Variants in SEMA3A observed in about 807,000 individuals in gnomAD.
SEMA3A encodes the protein semaphorin-3A.
Under a neutral mutation model 97.9 loss-of-function variants are expected in SEMA3A, and 29 were observed. The ratio of observed to expected loss-of-function variants is 0.30; its 90% CI spans 0.22 to 0.40. SEMA3A has a LOEUF of 0.40. Among genes scored for constraint, SEMA3A ranks in the 10% least tolerant of loss-of-function variants. The pLI, the probability that SEMA3A is intolerant of heterozygous loss-of-function variation, is 1.00. For missense variants in SEMA3A, 763 were observed against 951.3 expected, an observed-to-expected ratio of 0.80 and a Z score of 2.60; for synonymous variants, 321 against 323.7, an observed-to-expected ratio of 0.99 and a Z score of 0.09.
intron 2 of SEMA3A, among the ~76,000 whole-genome samples, chr7:84,340,341 T>C (rs1416321323): frequency 1.3e-5 from 2 of 152,252 alleles, no homozygotes; most frequent in South Asian, 4.1e-4. Context: ...CTCTAGTAAT[T>C]TTGAACTTAG....
intron 3 of SEMA3A, among the ~76,000 whole-genome samples, chr7:84,278,844 T>C (rs936371938): frequency 3.3e-5 from 5 of 152,050 alleles, no homozygotes; most frequent in South Asian, 2.1e-4. Flanking sequence ...ACCATCATCA[T>C]TGGGGATTAC....
intron 16 of SEMA3A, among the ~76,000 whole-genome samples, 186 bp downstream of exon 16, chr7:83,963,019 T>C (rs1788533576): frequency 6.6e-6 from 1 of 152,200 alleles, no homozygotes; most frequent in Non-Finnish European, 1.5e-5. Flanking sequence ...GTTTCTCTAA[T>C]TCATAGTACA....
chr7:84,478,012 G>T (rs1371753405), intron 1 of SEMA3A, among the ~76,000 whole-genome samples: 3 of 152,144 alleles, frequency 2.0e-5, no homozygotes, highest in Non-Finnish European at 4.4e-5. Flanking sequence ...GCCTGGTGTT[G>T]AGGTAACATC....
chr7:84,267,393 A>T (rs1800033929), intron 3 of SEMA3A, among the ~76,000 whole-genome samples: 1 of 152,166 alleles, frequency 6.6e-6, no homozygotes, highest in Non-Finnish European at 1.5e-5. Flanking sequence ...CTGTTAAAAC[A>T]TGTTAAAAAT....
chr7:84,014,772 T>C (rs916223687), intron 6 of SEMA3A, among the ~76,000 whole-genome samples: 5 of 152,112 alleles, frequency 3.3e-5, no homozygotes, highest in Non-Finnish European at 5.9e-5. Flanking sequence ...AAAGACTAGG[T>C]GGGCAGGGAA....
chr7:84,055,112 TCAGA>T (rs1792897005), intron 5 of SEMA3A, among the ~76,000 whole-genome samples: 1 of 152,018 alleles, frequency 6.6e-6, no homozygotes. Flanking sequence ...TTCAAAGCTG[TCAGA>T]CAGGGCCATT....
chr7:84,369,366 T>C (rs554701786), intron 2 of SEMA3A, among the ~76,000 whole-genome samples: 1 of 151,174 alleles, frequency 6.6e-6, no homozygotes, highest in Admixed American at 6.6e-5. Context: ...ACTTTTGGAA[T>C]TCAACGTACT....
At chr7:84,425,878 C>A (rs2706921) in intron 1 of SEMA3A, among the ~76,000 whole-genome samples, 2,147 of 45,730 alleles carry the variant, frequency 0.047, 79 homozygotes, top group East Asian at 0.22. Flanking sequence ...ACACACACAC[C>A]CACACACACA....
intron 1 of SEMA3A, among the ~76,000 whole-genome samples, chr7:84,425,763 G>A (rs1219612187): frequency 6.7e-6 from 1 of 148,948 alleles, no homozygotes; most frequent in African/African-American, 2.5e-5. Context: ...ACAAGGTCCG[G>A]AGTTTGAGAC....
intron 1 of SEMA3A, among the ~76,000 whole-genome samples, chr7:84,458,405 G>GA (rs1187614198): frequency 1.3e-5 from 2 of 151,762 alleles, no homozygotes; most frequent in African/African-American, 2.4e-5. Context: ...TTAATTCAGA[G>GA]AAAAAAATTA....
intron 2 of SEMA3A, among the ~76,000 whole-genome samples, chr7:84,366,174 C>G (rs1279415007): frequency 6.6e-6 from 1 of 151,292 alleles, no homozygotes; most frequent in Non-Finnish European, 1.5e-5. Context: ...TTTTTTACTT[C>G]ACTTTACCCC....
chr7:84,390,183 A>G (rs74358418), intron 1 of SEMA3A, among the ~76,000 whole-genome samples: 3,908 of 152,096 alleles, frequency 0.026, 157 homozygotes, highest in African/African-American at 0.088. Context: ...CTTTATATTC[A>G]TAAACCAAGT....
intron 2 of SEMA3A, among the ~76,000 whole-genome samples, chr7:84,317,872 A>G (rs1475466625): frequency 6.6e-6 from 1 of 152,192 alleles, no homozygotes; most frequent in African/African-American, 2.4e-5. Context: ...CTTTGAAAAA[A>G]ATATGATTTA....
intron 1 of SEMA3A, among the ~76,000 whole-genome samples, chr7:84,160,452 G>A (rs150246249): frequency 6.6e-5 from 10 of 151,910 alleles, no homozygotes; most frequent in African/African-American, 2.4e-4. Flanking sequence ...CAGGAGGCTG[G>A]GGCAGGAGAA....
intron 3 of SEMA3A, among the ~76,000 whole-genome samples, chr7:84,283,364 T>G (rs1373712500): frequency 6.6e-6 from 1 of 152,138 alleles, no homozygotes; most frequent in Non-Finnish European, 1.5e-5. Context: ...TCATCAAACC[T>G]GCACTCATTT....
In SEMA3A at chr7:83,957,680, T is replaced by C. The variant is rs1215752591; in HGVS notation, c.*3691A>G. ...CATTTAATTAACTAGTTTAAGAAAA[T>C]TTTTAGAGATCAAACAAACTAATGA... On this transcript the variant is annotated 3_prime_UTR_variant, in exon 17 of 17. Transcript: ENST00000265362. 2 of 152,196 alleles carry C rather than the reference T, an allele frequency of 1.3e-5. No homozygotes were observed. The highest frequency in any genetic ancestry group is 3.9e-4 in the East Asian group (2 of 5,182). The allele number at this position is 152,196 out of a possible 1,614,324, so 9.4% of individuals were successfully genotyped here.
At chr7:84,445,600 A>T (rs1042713331) in intron 1 of SEMA3A, among the ~76,000 whole-genome samples, 5 of 151,330 alleles carry the variant, frequency 3.3e-5, no homozygotes, top group African/African-American at 1.2e-4. Flanking sequence ...TATGGAAATT[A>T]AATAATACAC....
intron 6 of SEMA3A, among the ~76,000 whole-genome samples, chr7:84,023,507 TTAA>T (rs1176863910): frequency 6.6e-6 from 1 of 152,148 alleles, no homozygotes; most frequent in Non-Finnish European, 1.5e-5. Context: ...AAGGGTGGAA[TTAA>T]TAATTATAAA....
chr7:84,411,253 T>A (rs1216811324), intron 1 of SEMA3A, among the ~76,000 whole-genome samples: 2 of 152,086 alleles, frequency 1.3e-5, no homozygotes, highest in African/African-American at 2.4e-5. Context: ...TATTGCAAAA[T>A]GGCTATGATT....
Sources: allele counts gnomAD v4.1 joint callset (sites outside exome capture counted in the v4.1 genomes callset), GRCh38; gene constraint gnomAD v4.1.1; transcripts MANE v1.5; gene names NCBI Gene and HGNC (gene_info 2026-07-23, HGNC 2026-07-21).